CDH7: variants seen among roughly 807,000 people sequenced by gnomAD.
The protein encoded by CDH7 is cadherin-7.
A neutral mutation model predicts 71.8 loss-of-function variants in CDH7; 25 were observed. The observed-to-expected ratio is 0.35, with a 90% CI of 0.25 to 0.49. CDH7 has a LOEUF of 0.49. Among genes scored for constraint, CDH7 ranks in the 20% least tolerant of loss-of-function variants. The pLI is 0.99. For synonymous variants in CDH7, 381 were observed against 363.8 expected (o/e 1.05, Z -0.54); for missense variants, 862 against 974.6 (o/e 0.88, Z 1.54).
chr18:65,810,214 G>T (rs1911484774), intron 3 of CDH7, among the ~76,000 whole-genome samples: 1 of 152,086 alleles, frequency 6.6e-6, no homozygotes, highest in Admixed American at 6.6e-5. Context: ...TTAGGAAATT[G>T]TTTTTATACA....
intron 2 of CDH7, among the ~76,000 whole-genome samples, chr18:65,775,812 T>C (rs186471893): frequency 2.4e-4 from 37 of 152,306 alleles, no homozygotes; most frequent in Admixed American, 1.6e-3. Context: ...GCAAGAGTTA[T>C]CACATTGGCC....
intron 2 of CDH7, among the ~76,000 whole-genome samples, chr18:65,784,765 T>A (rs1910451554): frequency 6.6e-6 from 1 of 152,210 alleles, no homozygotes; most frequent in African/African-American, 2.4e-5. Context: ...AAGCTTTTGA[T>A]TTTTGCCACA....
At chr18:65,775,285 C>A (rs1009453714) in intron 2 of CDH7, among the ~76,000 whole-genome samples, 4 of 152,106 alleles carry the variant, frequency 2.6e-5, no homozygotes, top group African/African-American at 9.7e-5. Context: ...CTCAGCATTG[C>A]TATTAACTTT....
chr18:65,797,840 G>T (rs979205726), intron 2 of CDH7, among the ~76,000 whole-genome samples: 1 of 152,110 alleles, frequency 6.6e-6, no homozygotes, highest in East Asian at 1.9e-4. Flanking sequence ...CAAAATGATA[G>T]TACAATGGAA....
rs1331531891 is a variant in CDH7, at chr18:65,883,153, G to A, written c.*2259G>A. On this transcript the variant is annotated 3_prime_UTR_variant, in exon 12 of 12. Coordinates refer to ENST00000397968, the MANE Select transcript of CDH7 (RefSeq NM_004361.5). ...GTTTAAATAATAATTTAAAATTATT[G>A]CATATACCCAATTGCTATTTATGTG... is the stretch of plus-strand genomic sequence containing the variant. 2 of 151,870 alleles carry A rather than the reference G, an allele frequency of 1.3e-5. No homozygotes were observed. Among genetic ancestry groups the A allele is most frequent in the Non-Finnish European group, 1.5e-5 (1 of 67,918 alleles). The allele number at this position is 151,870 out of a possible 1,614,324, so 9.4% of individuals were successfully genotyped here.
chr18:65,801,861 G>A (rs779696898), intron 2 of CDH7, among the ~76,000 whole-genome samples: 2 of 152,188 alleles, frequency 1.3e-5, no homozygotes, highest in African/African-American at 4.8e-5. Flanking sequence ...TGCTTTAGCT[G>A]TTATTGTTGG....
intron 6 of CDH7, among the ~76,000 whole-genome samples, chr18:65,834,461 T>G (rs769889538): frequency 2.0e-5 from 3 of 152,188 alleles, no homozygotes; most frequent in Non-Finnish European, 4.4e-5. Flanking sequence ...TAGACATTTC[T>G]TGGTGAAACT....
intron 2 of CDH7, among the ~76,000 whole-genome samples, chr18:65,788,038 T>A (rs1023496635): frequency 6.6e-6 from 1 of 152,138 alleles, no homozygotes; most frequent in African/African-American, 2.4e-5. Context: ...AAACATATAT[T>A]AACTCTAAGG....
chr18:65,757,276 C>G (rs1916056073), intron 1 of CDH7, among the ~76,000 whole-genome samples: 1 of 152,068 alleles, frequency 6.6e-6, no homozygotes, highest in Non-Finnish European at 1.5e-5. Context: ...AATACACTGC[C>G]ACTTAGTTTA....
At chr18:65,827,541 T>C (rs1912176883) in intron 6 of CDH7, among the ~76,000 whole-genome samples, 2 of 152,036 alleles carry the variant, frequency 1.3e-5, no homozygotes, top group East Asian at 3.9e-4. Context: ...GCTAACATGA[T>C]TTTCCATATC....
intron 6 of CDH7, among the ~76,000 whole-genome samples, chr18:65,834,113 G>A (rs765218828): frequency 6.6e-6 from 1 of 152,146 alleles, no homozygotes; most frequent in Non-Finnish European, 1.5e-5. Flanking sequence ...AGATATTTAA[G>A]AAATAGATAG....
At chr18:65,790,004 C>A (rs192886895) in intron 2 of CDH7, among the ~76,000 whole-genome samples, 8 of 151,146 alleles carry the variant, frequency 5.3e-5, no homozygotes, top group Admixed American at 1.3e-4. Flanking sequence ...CCAAGGCAGA[C>A]GGATCACGAG....
At chr18:65,875,608 C>T (rs1373271610) in intron 11 of CDH7, among the ~76,000 whole-genome samples, 1 of 152,084 alleles carries the variant, frequency 6.6e-6, no homozygotes, top group African/African-American at 2.4e-5. Flanking sequence ...ACAAAAAGGC[C>T]GGGCGTGGTG....
intron 6 of CDH7, among the ~76,000 whole-genome samples, chr18:65,825,808 G>A (rs961107276): frequency 6.6e-6 from 1 of 151,940 alleles, no homozygotes; most frequent in Admixed American, 6.5e-5. Flanking sequence ...TTTTAGCTAA[G>A]CTGGTGACAA....
chr18:65,809,906 A>G lies in CDH7; in HGVS notation c.413A>G (p.Glu138Gly). The G allele has an allele frequency of 6.2e-7, 1 of 1,614,020 alleles. No individual in the cohort carries two copies. The highest frequency in any genetic ancestry group is 8.5e-7 in the Non-Finnish European group (1 of 1,179,956). ...LTNKPVEPES[E>G]FVIKIQDIND... ...AACAAACCCGTGGAGCCCGAGTCGG[A>G]GTTTGTCATCAAAATTCAGGATATC... Residue 138 changes from glutamate (E) to glycine (G), a missense_variant, in exon 3 of 12, where the codon GAG (glutamate) becomes GGG (glycine). By Grantham distance (98) the Glu-to-Gly change is moderately conservative (BLOSUM62 -2). Transcript: ENST00000397968.
At chr18:65,761,011 A>G (rs1260810836) in intron 1 of CDH7, among the ~76,000 whole-genome samples, 1 of 152,200 alleles carries the variant, frequency 6.6e-6, no homozygotes, top group East Asian at 1.9e-4. Flanking sequence ...CAAAAGCTAG[A>G]ACAACTGGCC....
At chr18:65,778,356 G>T (rs907446280) in intron 2 of CDH7, among the ~76,000 whole-genome samples, 3 of 142,978 alleles carry the variant, frequency 2.1e-5, no homozygotes, top group African/African-American at 7.6e-5. Context: ...CAGAATTGTA[G>T]AACATGATGG....
intron 2 of CDH7, among the ~76,000 whole-genome samples, chr18:65,792,689 AT>A (rs1371688121): frequency 6.6e-6 from 1 of 152,060 alleles, no homozygotes; most frequent in Non-Finnish European, 1.5e-5. Flanking sequence ...GAAAAAAAAA[AT>A]CAAAACACTC....
At position 65,799,315 on chromosome 18, in the gene CDH7, TAG is replaced by T. The variant is rs564864392; in HGVS notation, c.211-10388_211-10387del. Among the ~76,000 whole-genome samples the T allele has an allele frequency of 6.6e-5, 10 of 152,062 alleles. No individual in the cohort carries two copies. In the South Asian group the frequency reaches 2.1e-3, roughly 32 times the overall value. On this transcript the variant is annotated intron_variant, in intron 2 of 11. Transcript: ENST00000397968. Reference sequence around the variant, plus strand: ...GGGCAGACATACCTTGTGAACCTGGTAGGATCACCCTGCTGTAGGAAAGAGAA... The same window carrying T: ...GGGCAGACATACCTTGTGAACCTGGTGATCACCCTGCTGTAGGAAAGAGAA...
Sources: gnomAD v4.1 joint callset for allele counts (sites outside exome capture counted in the v4.1 genomes callset) on GRCh38, gnomAD v4.1.1 for gene constraint, MANE v1.5 for transcripts, NCBI Gene and HGNC (gene_info 2026-07-23, HGNC 2026-07-21) for gene names.